Variants in GRID2 observed in about 807,000 individuals in gnomAD.
GRID2 encodes glutamate receptor ionotropic, delta-2.
In GRID2, 33 loss-of-function variants were observed where a neutral mutation model predicts 114.8. That is an observed-to-expected ratio of 0.29 (90% CI 0.22 to 0.38). The LOEUF (loss-of-function observed/expected upper bound fraction) is 0.38. GRID2 is among the 10% of genes least tolerant of loss of function. The pLI is 1.00. For synonymous variants in GRID2, 505 were observed against 449.9 expected (o/e 1.12, Z -1.55); for missense variants, 1,184 against 1,257.7 (o/e 0.94, Z 0.89).
At position 93,588,860 on chromosome 4, in the gene GRID2, C is replaced by A. The variant is rs114576449; in HGVS notation, c.2194-37409C>A. ...ATCAGAACATTTGACAACACTGGAC[C>A]TGCTTTCCAGCTATACAACAAGCAG... On this transcript the variant is annotated intron_variant, in intron 13 of 15. Transcript: ENST00000282020. Among the ~76,000 whole-genome samples the A allele has an allele frequency of 7.2e-3, 1,102 of 152,198 alleles. 11 individuals are homozygous for A. Among genetic ancestry groups the A allele is most frequent in the African/African-American group, 0.025 (1,022 of 41,522 alleles).
chr4:93,663,102 T>C (rs1402240259), intron 14 of GRID2, among the ~76,000 whole-genome samples: 1 of 152,184 alleles, frequency 6.6e-6, no homozygotes, highest in Non-Finnish European at 1.5e-5. Context: ...TTTGATTTGA[T>C]GTTAACTCTA....
chr4:92,573,279 A>G (rs1227693467), intron 1 of GRID2, among the ~76,000 whole-genome samples: 1 of 151,610 alleles, frequency 6.6e-6, no homozygotes, highest in East Asian at 1.9e-4. Flanking sequence ...TCTGGATTTC[A>G]GTTTTCGAAG....
At chr4:92,776,919 A>C (rs991536509) in intron 2 of GRID2, among the ~76,000 whole-genome samples, 1 of 152,100 alleles carries the variant, frequency 6.6e-6, no homozygotes, top group African/African-American at 2.4e-5. Flanking sequence ...AAAGAGAGCC[A>C]GGGAAAAAAA....
chr4:92,427,666 T>A (rs1342382593), intron 1 of GRID2, among the ~76,000 whole-genome samples: 2 of 152,140 alleles, frequency 1.3e-5, no homozygotes, highest in Non-Finnish European at 2.9e-5. Context: ...TTTATCAAAA[T>A]AGCAACAAAA....
chr4:92,364,240 G>A (rs1383676082), intron 1 of GRID2, among the ~76,000 whole-genome samples: 1 of 152,036 alleles, frequency 6.6e-6, no homozygotes, highest in Non-Finnish European at 1.5e-5. Flanking sequence ...AAGTTAGCAT[G>A]CTAAATGTAT....
At chr4:93,459,831 A>C (rs1723570896) in intron 11 of GRID2, among the ~76,000 whole-genome samples, 1 of 152,180 alleles carries the variant, frequency 6.6e-6, no homozygotes, top group African/African-American at 2.4e-5. Context: ...CACATTCTCT[A>C]TTCCAGCTGA....
intron 4 of GRID2, among the ~76,000 whole-genome samples, chr4:93,193,215 A>T (rs1167655489): frequency 6.6e-6 from 1 of 152,266 alleles, no homozygotes; most frequent in Admixed American, 6.5e-5. Flanking sequence ...TAGCTCCCAG[A>T]ATTACAGTTG....
At chr4:92,639,425 T>G (rs1731237232) in intron 2 of GRID2, among the ~76,000 whole-genome samples, 1 of 151,786 alleles carries the variant, frequency 6.6e-6, no homozygotes, top group South Asian at 2.1e-4. Context: ...AGGAACTGAT[T>G]GGTTTTCTCA....
chr4:93,393,111 CT>C (rs2149326410), intron 8 of GRID2, among the ~76,000 whole-genome samples: 1 of 152,006 alleles, frequency 6.6e-6, no homozygotes, highest in South Asian at 2.1e-4. Context: ...AGAGAATGTA[CT>C]TTATTTCTAG....
At chr4:92,879,871 CA>C (rs2149455954) in intron 2 of GRID2, among the ~76,000 whole-genome samples, 1 of 152,264 alleles carries the variant, frequency 6.6e-6, no homozygotes, top group Admixed American at 6.5e-5. Flanking sequence ...GTTCTTTGGC[CA>C]AGAGCTTTTG....
chr4:92,879,443 T>G (rs1745851035), intron 2 of GRID2, among the ~76,000 whole-genome samples: 1 of 152,230 alleles, frequency 6.6e-6, no homozygotes, highest in African/African-American at 2.4e-5. Flanking sequence ...TAATAAGTGC[T>G]AAGCAGTCTT....
chr4:93,668,447 A>G (rs1378530996), intron 14 of GRID2, among the ~76,000 whole-genome samples: 3 of 151,642 alleles, frequency 2.0e-5, no homozygotes, highest in African/African-American at 4.8e-5. Flanking sequence ...CAACATTTCC[A>G]TCTGTAATAT....
intron 2 of GRID2, among the ~76,000 whole-genome samples, chr4:92,846,907 A>G (rs1237421224): frequency 6.6e-6 from 1 of 152,068 alleles, no homozygotes; most frequent in African/African-American, 2.4e-5. Context: ...AAAGATTCCC[A>G]TGTTCCCATT....
At chr4:93,717,620 C>T (rs921390106) in intron 14 of GRID2, among the ~76,000 whole-genome samples, 2 of 151,960 alleles carry the variant, frequency 1.3e-5, no homozygotes, top group African/African-American at 2.4e-5. Context: ...TGTGTATTTT[C>T]GTCTATATTT....
chr4:92,514,550 T>C (rs1027912223), intron 1 of GRID2, among the ~76,000 whole-genome samples: 2 of 151,902 alleles, frequency 1.3e-5, no homozygotes, highest in Non-Finnish European at 2.9e-5. Flanking sequence ...TAAATAGATA[T>C]ACTGTTACTA....
intron 1 of GRID2, among the ~76,000 whole-genome samples, chr4:93,800,748 T>G (rs1400789691): frequency 6.6e-6 from 1 of 152,224 alleles, no homozygotes; most frequent in African/African-American, 2.4e-5. Context: ...CCCAGTTTGT[T>G]AAATAATTAC....
intron 1 of GRID2, among the ~76,000 whole-genome samples, chr4:92,540,856 C>T (rs532427527): frequency 7.9e-5 from 12 of 152,090 alleles, no homozygotes; most frequent in East Asian, 7.7e-4. Context: ...ATGTTTATTG[C>T]GGCACTATTC....
intron 8 of GRID2, among the ~76,000 whole-genome samples, chr4:93,331,690 T>C (rs907168030): frequency 1.1e-4 from 16 of 152,120 alleles, no homozygotes; most frequent in Non-Finnish European, 1.0e-4. Context: ...TAGGAGTTAA[T>C]ATAGCAAAAT....
Position 93,422,891 on chromosome 4 carries a change from G to T in GRID2, c.1468G>T (p.Val490Leu). 2.5e-6 allele frequency: 4 copies of T among 1,613,344 alleles called. No individual in the cohort carries two copies. Among genetic ancestry groups the T allele is most frequent in the Non-Finnish European group, 3.4e-6 (4 of 1,179,478 alleles). Residue 490 changes from valine (V) to leucine (L), a missense_variant, in exon 10 of 16, where the codon GTA becomes TTA. This residue lies in a region of GRID2 where 717 missense variants were observed against 796.9 expected (regional missense o/e 0.90). Transcript: ENST00000282020. ...NYLGFNYEIY[V>L]APDHKYGSPQ... ...CCTGGGTTTTAACTACGAAATTTAC[G>T]TAGCACCGGATCACAAATACGGAAG...
Sources: gnomAD v4.1 joint callset for allele counts (sites outside exome capture counted in the v4.1 genomes callset) on GRCh38, gnomAD v4.1.1 for gene constraint, gnomAD v4.1.1 regional missense constraint, MANE v1.5 for transcripts, NCBI Gene and HGNC (gene_info 2026-07-23, HGNC 2026-07-21) for gene names.